Variants in TMPRSS2 observed in about 807,000 individuals in gnomAD.
The protein encoded by TMPRSS2 is transmembrane serine protease 2, also known as transmembrane protease serine 2.
Under a neutral mutation model 67.4 loss-of-function variants are expected in TMPRSS2, and 59 were observed. That is an observed-to-expected ratio of 0.88 (90% CI 0.71 to 1.09). The LOEUF is 1.09. TMPRSS2 is among the 50% of genes least tolerant of loss of function. TMPRSS2 has a pLI of 0.00. For synonymous variants in TMPRSS2, 257 were observed against 257.0 expected (o/e 1.00, Z 0.00); for missense variants, 668 against 642.7 (o/e 1.04, Z -0.43).
chr21:41,482,598 T>C (rs900993466), intron 5 of TMPRSS2, among the ~76,000 whole-genome samples: 25 of 152,232 alleles, frequency 1.6e-4, no homozygotes, highest in African/African-American at 5.5e-4. Flanking sequence ...GACAGTCTGG[T>C]ACCTGTGGGC....
intron 11 of TMPRSS2, among the ~76,000 whole-genome samples, chr21:41,469,650 A>G (rs2070793): frequency 0.34 from 51,706 of 151,772 alleles, 9,354 homozygotes; most frequent in African/African-American, 0.45. Flanking sequence ...CCCCTTCAAA[A>G]TAGCCGGGAC....
At chr21:41,494,331 G>A (rs2146482847) in intron 3 of TMPRSS2, 25 bp downstream of exon 3, 1 of 1,611,094 alleles carries the variant, frequency 6.2e-7, no homozygotes, top group East Asian at 2.2e-5. Context: ...TTTATTACAG[G>A]AAATAAACAC....
At chr21:41,494,603 T>A (rs1423307020) in intron 2 of TMPRSS2, 25 bp from the exon 3 acceptor site, 3 of 1,601,948 alleles carry the variant, frequency 1.9e-6, no homozygotes, top group Non-Finnish European at 2.6e-6. Context: ...AGAAGATGAA[T>A]AATATAAAAC....
Position 41,494,478 on chromosome 21 carries a change from A to C in TMPRSS2, c.116T>G (p.Val39Gly), listed in dbSNP as rs775450506. The stretch of plus-strand genomic sequence containing the variant: ...GGACGGGTAGTACTGAGCCGGATGC[A>C]CCTCGTAGACAGTGGGGACCACAGT... ...QPTVVPTVYE[V>G]HPAQYYPSPV... The change falls in exon 3 of 14, where the codon GTG becomes GGG. Residue 39 changes from valine (V) to glycine (G), a missense_variant. Coordinates refer to ENST00000332149, the MANE Select transcript of TMPRSS2 (RefSeq NM_005656.4). 9 of 1,613,876 alleles carry C rather than the reference A, an allele frequency of 5.6e-6. No individual in the cohort carries two copies. Among genetic ancestry groups the C allele is most frequent in the African/African-American group, 5.3e-5 (4 of 74,884 alleles).
intron 7 of TMPRSS2, among the ~76,000 whole-genome samples, chr21:41,476,947 A>G (rs1237208690): frequency 6.6e-6 from 1 of 152,222 alleles, no homozygotes; most frequent in Non-Finnish European, 1.5e-5. Flanking sequence ...CTTGGAATTT[A>G]AAATCATCTT....
chr21:41,473,365 T>G lies in TMPRSS2; in HGVS notation c.859A>C (p.Thr287Pro), dbSNP rs2091151840. ...NVHVCGGSII[T>P]PEWIVTAAHC... Reference sequence around the variant, plus strand: ...GCGGCTGTCACGATCCACTCGGGGGTGATGATGGAGCCTCCGCACACGTGG... The same window carrying G: ...GCGGCTGTCACGATCCACTCGGGGGGGATGATGGAGCCTCCGCACACGTGG... The change falls in exon 9 of 14, where the codon ACC becomes CCC. Residue 287 changes from threonine (T) to proline (P), a missense_variant. Thr to Pro is a conservative substitution (Grantham distance 38). Transcript: ENST00000332149. 1.2e-6 allele frequency: 2 copies of G among 1,607,928 alleles called. No individual in the cohort carries two copies. The highest frequency in any genetic ancestry group is 2.7e-5 in the African/African-American group (2 of 74,558).
rs2091077966 is a variant in TMPRSS2, at chr21:41,465,699, A to T, written c.*443T>A. On this transcript the variant is annotated 3_prime_UTR_variant, in exon 14 of 14. Transcript: ENST00000332149. ...CCCCTTGTGGAGAGGTAGGCTGGGG[A>T]CACTACCAAGTGGCCCCAGAGGGCA... 3.9e-6 allele frequency: 1 copy of T among 255,346 alleles called. No individual in the cohort carries two copies. Among genetic ancestry groups the T allele is most frequent in the South Asian group, 1.4e-4 (1 of 7,100 alleles). The allele number at this position is 255,346 out of a possible 1,614,324, so 15.8% of individuals were successfully genotyped here.
chr21:41,475,413 CAGGTGGGTGAGTGGATGAAG>C, intron 8 of TMPRSS2, among the ~76,000 whole-genome samples: 1 of 38,636 alleles, frequency 2.6e-5, no homozygotes. Context: ...AGGAGGTGAG[CAGGTGGGTGAGTGGATGAAG>C]GGGTGAGTGA....
chr21:41,498,937 G>A (rs1474408183), intron 1 of TMPRSS2, among the ~76,000 whole-genome samples: 1 of 151,444 alleles, frequency 6.6e-6, no homozygotes, highest in Non-Finnish European at 1.5e-5. Context: ...AGGAACTGAG[G>A]AAGAGCAGGT....
chr21:41,502,316 G>T (rs1384455350), intron 1 of TMPRSS2: 52 of 929,784 alleles, frequency 5.6e-5, no homozygotes, highest in Non-Finnish European at 6.7e-5. Context: ...TAGGCTTGTA[G>T]ACACTGACTC....
chr21:41,464,684 G>A lies in TMPRSS2; in HGVS notation c.*1458C>T, dbSNP rs1205569901. 4.3e-6 allele frequency: 1 copy of A among 233,214 alleles called. No homozygotes were observed. The highest frequency in any genetic ancestry group is 8.5e-6 in the Non-Finnish European group (1 of 118,072). The allele number at this position is 233,214 out of a possible 1,614,324, so 14.4% of individuals were successfully genotyped here. On this transcript the variant is annotated 3_prime_UTR_variant, in exon 14 of 14. Transcript: ENST00000332149. The stretch of plus-strand genomic sequence containing the variant: ...ATAAGAAGGGGCAATAAAGAAGGAA[G>A]ACGTTTTCACCATTACAACACCTTT...
Position 41,478,033 on chromosome 21 carries a change from T to C in TMPRSS2, c.683+1139A>G, listed in dbSNP as rs2091229152. On this transcript the variant is annotated intron_variant, in intron 7 of 13. Coordinates refer to ENST00000332149, the MANE Select transcript of TMPRSS2 (RefSeq NM_005656.4). This position sits in a 1 kb window ranked among gnomAD's most constrained non-coding sequence, Gnocchi z 4.0. ...TCCCCCCGTCCCTGCCCGGCTGGAC[T>C]TGGCTCCCTGATTCCGTGTGTAACC... is the stretch of plus-strand genomic sequence containing the variant. Among the ~76,000 whole-genome samples the C allele has an allele frequency of 6.6e-6, 1 of 152,186 alleles. No homozygotes were observed. The highest frequency in any genetic ancestry group is 2.4e-5 in the African/African-American group (1 of 41,432).
In TMPRSS2 at chr21:41,480,344, G is replaced by C. The variant is rs2091247280; in HGVS notation, c.572+132C>G. ...ACAAATTCCACCTGCTGGTTATAGG[G>C]CTCAGCTTTTGGAAGGTGACAATTG... On this transcript the variant is annotated intron_variant, in intron 6 of 13. Coordinates refer to ENST00000332149, the MANE Select transcript of TMPRSS2 (RefSeq NM_005656.4). 1.1e-5 allele frequency: 16 copies of C among 1,432,632 alleles called. No individual in the cohort carries two copies. The South Asian group carries it at 2.1e-4, about 19-fold the overall frequency. 88.7% of individuals were successfully genotyped at this position (1,432,632 alleles called of 1,614,324 possible).
chr21:41,470,839 G>GCCACCCTGC, intron 10 of TMPRSS2, 96 bp from the exon 11 acceptor site: 1 of 954,188 alleles, frequency 1.0e-6, no homozygotes, highest in Admixed American at 2.1e-5. Context: ...TGGCACCCTG[G>GCCACCCTGC]CCACCCTGCC....
chr21:41,504,121 A>G (rs908550964), intron 1 of TMPRSS2, among the ~76,000 whole-genome samples: 4 of 152,206 alleles, frequency 2.6e-5, no homozygotes, highest in Non-Finnish European at 5.9e-5. Context: ...AACAAATCCA[A>G]TTGTCACAAC....
intron 10 of TMPRSS2, 47 bp from the exon 11 acceptor site, chr21:41,470,790 T>A (rs777860329): frequency 4.4e-6 from 3 of 679,756 alleles, no homozygotes; most frequent in East Asian, 4.2e-5. Context: ...GTATCACCTA[T>A]GTCTCCACCT....
intron 3 of TMPRSS2, among the ~76,000 whole-genome samples, chr21:41,492,273 C>T (rs1342006074): frequency 6.6e-6 from 1 of 152,196 alleles, no homozygotes; most frequent in Non-Finnish European, 1.5e-5. Flanking sequence ...TCATGACCAA[C>T]TTAAGGTTGT....
intron 10 of TMPRSS2, among the ~76,000 whole-genome samples, 197 bp from the exon 11 acceptor site, chr21:41,470,940 A>G (rs540359900): frequency 1.3e-5 from 2 of 152,232 alleles, no homozygotes; most frequent in Admixed American, 6.5e-5. Context: ...TATGCTACTT[A>G]TAAGTAGAAT....
At chr21:41,476,818 C>T (rs1301377112) in intron 7 of TMPRSS2, among the ~76,000 whole-genome samples, 198 bp from the exon 8 acceptor site, 1 of 152,168 alleles carries the variant, frequency 6.6e-6, no homozygotes, top group Non-Finnish European at 1.5e-5. Context: ...AGCCAAGGTA[C>T]GCGGCTCACA....
Sources: allele counts gnomAD v4.1 joint callset (sites outside exome capture counted in the v4.1 genomes callset), GRCh38; gene constraint gnomAD v4.1.1; non-coding constraint Gnocchi (gnomAD v3.1); transcripts MANE v1.5; gene names NCBI Gene and HGNC (gene_info 2026-07-23, HGNC 2026-07-21).